Variants in BCL2L13 observed in about 807,000 individuals in gnomAD.
BCL2L13 encodes the protein bcl-2-like protein 13.
BCL2L13 carries 13 observed loss-of-function variants against 25.8 expected under a neutral mutation model. The observed-to-expected ratio is 0.50, with a 90% CI of 0.33 to 0.80. The LOEUF (loss-of-function observed/expected upper bound fraction) is 0.80, where lower values mean the gene tolerates loss of function less well. Ranked by LOEUF, BCL2L13 falls within the 30% of genes least tolerant of loss-of-function variation. BCL2L13 has a pLI of 0.02. For synonymous variants in BCL2L13, 244 were observed against 230.3 expected (o/e 1.06, Z -0.54); for missense variants, 504 against 574.9 (o/e 0.88, Z 1.26).
chr22:17,693,368 G>GTTT lies in BCL2L13; in HGVS notation c.387-2772_387-2770dup, dbSNP rs1335053444. Among the ~76,000 whole-genome samples the GTTT allele has an allele frequency of 1.1e-3, 129 of 112,222 alleles. 3 individuals carry two copies. The highest frequency in any genetic ancestry group is 4.7e-3 in the African/African-American group (121 of 25,590). 73.6% of individuals were successfully genotyped at this position (112,222 alleles called of 152,430 possible). A position where few individuals can be genotyped will look rare whatever the true frequency, so the allele number is the denominator to read the frequency against. ...TTATTTATTTATTTATTTATTTAGT[G>GTTT]TTTGTTTTTTTTTTTTTTTTTTTTT... On this transcript the variant is annotated intron_variant, in intron 4 of 6. Coordinates refer to ENST00000317582, the MANE Select transcript of BCL2L13 (RefSeq NM_015367.4).
At chr22:17,674,312 T>G (rs749672847) in intron 2 of BCL2L13, among the ~76,000 whole-genome samples, 1 of 152,114 alleles carries the variant, frequency 6.6e-6, no homozygotes. Context: ...TTTGTTTGTT[T>G]TGTTTTTTAG....
chr22:17,711,367 G>T (rs775022871), intron 6 of BCL2L13, among the ~76,000 whole-genome samples: 3 of 143,048 alleles, frequency 2.1e-5, no homozygotes, highest in Non-Finnish European at 3.0e-5. Context: ...GCACAATCTC[G>T]GCTCACTGCA....
Position 17,631,706 on chromosome 22 carries a change from A to AT in BCL2L13, c.-650+2733dup, listed in dbSNP as rs71201849. Among the ~76,000 whole-genome samples the AT allele has an allele frequency of 1.3e-3, 14 of 10,930 alleles. 4 individuals carry two copies. The highest frequency in any genetic ancestry group is 1.4e-3 in the Non-Finnish European group (8 of 5,744). 7.2% of individuals were successfully genotyped at this position (10,930 alleles called of 152,430 possible). A position where few individuals can be genotyped will look rare whatever the true frequency, so the allele number is the denominator to read the frequency against. On this transcript the variant is annotated intron_variant, in intron 1 of 6. Transcript: ENST00000399782. ...TATATATATATATATATATATATAT[A>AT]TTTTTTTTTTTTTTTTTTTTTTTTT... is the stretch of plus-strand genomic sequence containing the variant.
At chr22:17,684,030 G>A (rs1017034919) in intron 3 of BCL2L13, among the ~76,000 whole-genome samples, 3 of 151,922 alleles carry the variant, frequency 2.0e-5, no homozygotes, top group African/African-American at 7.3e-5. Flanking sequence ...TTCACTGGAC[G>A]ACGACTACAC....
chr22:17,699,602 T>C (rs555918078), intron 5 of BCL2L13, among the ~76,000 whole-genome samples: 1 of 152,248 alleles, frequency 6.6e-6, no homozygotes, highest in Admixed American at 6.5e-5. Flanking sequence ...GATGTGGGGA[T>C]TACTGTTATC....
At chr22:17,717,240 G>A (rs1380754019) in intron 6 of BCL2L13, among the ~76,000 whole-genome samples, 1 of 152,060 alleles carries the variant, frequency 6.6e-6, no homozygotes, top group Non-Finnish European at 1.5e-5. Context: ...GGCTGAGGTG[G>A]GTGGATCACT....
chr22:17,687,267 G>A (rs1290621901), intron 3 of BCL2L13, among the ~76,000 whole-genome samples: 1 of 151,972 alleles, frequency 6.6e-6, no homozygotes, highest in East Asian at 1.9e-4. Context: ...CTGCAGTTAG[G>A]GAATGGTTAA....
In BCL2L13 at chr22:17,655,736, C is replaced by A. The variant is rs2058833486; in HGVS notation, c.25C>A (p.Leu9Met). 6.2e-7 allele frequency: 1 copy of A among 1,613,394 alleles called. No individual in the cohort carries two copies. Reference protein sequence around the residue: MASSSTVPLGFHYETKYVV... With the variant: MASSSTVPMGFHYETKYVV... ...AATGGCGTCCTCTTCTACTGTGCCTCTGGGATTTCACTATGAAACAAAGTA... is the reference window on the plus strand; with the variant it reads ...AATGGCGTCCTCTTCTACTGTGCCTATGGGATTTCACTATGAAACAAAGTA... Residue 9 changes from leucine (L) to methionine (M), a missense_variant, in exon 2 of 7, where the codon CTG becomes ATG. Transcript: ENST00000317582.
Position 17,706,850 on chromosome 22 carries a change from C to T in BCL2L13, c.600+4464C>T, listed in dbSNP as rs569535903. On this transcript the variant is annotated intron_variant, in intron 6 of 6. Transcript: ENST00000317582. ...GGTAAGGCTTGTATTTTACTTTCTCCGTCGTCACATGATAAATACTTCTTG... is the reference window on the plus strand; with the variant it reads ...GGTAAGGCTTGTATTTTACTTTCTCTGTCGTCACATGATAAATACTTCTTG... The T allele has an allele frequency of 8.7e-5, 118 of 1,349,712 alleles. 2 individuals are homozygous for T. The highest frequency in any genetic ancestry group is 2.4e-4 in the African/African-American group (16 of 67,714). 83.6% of individuals were successfully genotyped at this position (1,349,712 alleles called of 1,614,324 possible).
chr22:17,672,993 G>A (rs1219291910), intron 2 of BCL2L13, among the ~76,000 whole-genome samples: 3 of 152,140 alleles, frequency 2.0e-5, no homozygotes, highest in Non-Finnish European at 4.4e-5. Context: ...AATTATAGTC[G>A]TATGTCCTGG....
At chr22:17,715,506 A>G (rs901124654) in intron 6 of BCL2L13, among the ~76,000 whole-genome samples, 1 of 152,010 alleles carries the variant, frequency 6.6e-6, no homozygotes, top group Non-Finnish European at 1.5e-5. Context: ...TATACATAAC[A>G]TTATATTAAT....
At position 17,727,271 on chromosome 22, in the gene BCL2L13, G is replaced by T. The variant is rs2061324179; in HGVS notation, c.1195G>T (p.Val399Phe). ...TTEPTEVEEV[V>F]PALEPTETLL... is the part of the protein sequence containing the mutation. ...TGAACCTACTGAAGTGGAGGAGGTG[G>T]TCCCCGCACTGGAACCCACAGAAAC... The change falls in exon 7 of 7, where the codon GTC becomes TTC. Residue 399 changes from valine to phenylalanine, a missense_variant. Coordinates refer to ENST00000317582, the MANE Select transcript of BCL2L13 (RefSeq NM_015367.4). The T allele has an allele frequency of 6.2e-7, 1 of 1,614,242 alleles. No individual in the cohort carries two copies. Among genetic ancestry groups the T allele is most frequent in the Non-Finnish European group, 8.5e-7 (1 of 1,180,042 alleles).
At position 17,689,169 on chromosome 22, in the gene BCL2L13, G is replaced by A. The variant is rs748705710; in HGVS notation, c.386+27G>A. 40 of 1,609,004 alleles carry A rather than the reference G, an allele frequency of 2.5e-5. No individual in the cohort carries two copies. The South Asian group carries it at 3.5e-4, about 14-fold the overall frequency. ...TGAGTTACACTGCTGAGTGGGATGT[G>A]CTTCTTTAAGTAGTCTCTGGATCTC... On this transcript the variant is annotated intron_variant, in intron 4 of 6. Coordinates refer to ENST00000317582, the MANE Select transcript of BCL2L13 (RefSeq NM_015367.4).
Position 17,661,799 on chromosome 22 carries a change from T to C in BCL2L13, c.121+5967T>C, listed in dbSNP as rs922552042. On this transcript the variant is annotated intron_variant, in intron 2 of 6. Coordinates refer to ENST00000317582, the MANE Select transcript of BCL2L13 (RefSeq NM_015367.4). ...CTGAGGTCGGGAGTTAGAGACCAGC[T>C]TGACCCACATGGAGAAACCCTGTCT... Among the ~76,000 whole-genome samples, 4 of 143,820 alleles carry C rather than the reference T, an allele frequency of 2.8e-5. 1 individual carries two copies. Among genetic ancestry groups the C allele is most frequent in the Non-Finnish European group, 1.6e-5 (1 of 63,100 alleles). The allele number at this position is 143,820 out of a possible 152,430, so 94.4% of individuals were successfully genotyped here.
intron 5 of BCL2L13, among the ~76,000 whole-genome samples, chr22:17,698,109 C>T (rs1359501120): frequency 6.6e-6 from 1 of 151,650 alleles, no homozygotes; most frequent in Non-Finnish European, 1.5e-5. Flanking sequence ...AGCCACTGTG[C>T]CTGGCCTTTT....
chr22:17,642,127 CTCTTT>C (rs1275145593), intron 1 of BCL2L13, among the ~76,000 whole-genome samples: 4 of 116,278 alleles, frequency 3.4e-5, no homozygotes, highest in Non-Finnish European at 6.7e-5. Flanking sequence ...TCTGGCTTCT[CTCTTT>C]TTTTTTTTTT....
At chr22:17,632,731 A>G (rs985586930) in intron 1 of BCL2L13, among the ~76,000 whole-genome samples, 2 of 150,482 alleles carry the variant, frequency 1.3e-5, no homozygotes, top group African/African-American at 4.9e-5. Flanking sequence ...AAACAGTGTG[A>G]TAATCTTTAT....
chr22:17,668,164 C>T (rs772727454), intron 2 of BCL2L13, among the ~76,000 whole-genome samples: 2 of 151,706 alleles, frequency 1.3e-5, no homozygotes, highest in African/African-American at 2.4e-5. Flanking sequence ...GCGCACACCA[C>T]GATGCCAGGC....
chr22:17,667,822 A>T (rs1385456133), intron 2 of BCL2L13, among the ~76,000 whole-genome samples: 6 of 151,578 alleles, frequency 4.0e-5, no homozygotes. Flanking sequence ...AGAATTCTTT[A>T]TATGTTTTGG....
Sources: gnomAD v4.1 joint callset for allele counts (sites outside exome capture counted in the v4.1 genomes callset) on GRCh38, gnomAD v4.1.1 for gene constraint, MANE v1.5 for transcripts, NCBI Gene and HGNC (gene_info 2026-07-23, HGNC 2026-07-21) for gene names.